Variants in LSAMP observed in about 807,000 individuals in gnomAD.
LSAMP encodes limbic system-associated membrane protein.
A neutral mutation model predicts 38.6 loss-of-function variants in LSAMP; 7 were observed. The observed-to-expected ratio is 0.18, with a 90% CI of 0.10 to 0.34. The LOEUF (loss-of-function observed/expected upper bound fraction) is 0.34, where lower values mean the gene tolerates loss of function less well. LSAMP is among the 10% of genes least tolerant of loss of function. The pLI, the probability that LSAMP is intolerant of heterozygous loss-of-function variation, is 1.00. For missense variants in LSAMP, 313 were observed against 420.0 expected (o/e 0.75, Z 2.23); for synonymous variants, 154 against 166.8 (o/e 0.92, Z 0.59).
At chr3:116,112,712 G>A (rs1708643447) in intron 1 of LSAMP, among the ~76,000 whole-genome samples, 1 of 152,148 alleles carries the variant, frequency 6.6e-6, no homozygotes, top group South Asian at 2.1e-4. Context: ...ACAATAACTG[G>A]ATAAGGAAGT....
intron 1 of LSAMP, among the ~76,000 whole-genome samples, chr3:116,385,763 A>G (rs2048618400): frequency 6.6e-6 from 1 of 152,158 alleles, no homozygotes; most frequent in South Asian, 2.1e-4. Flanking sequence ...ACAACAGGCA[A>G]TTTAAAAGAT....
chr3:115,822,698 A>C (rs1182874947), intron 6 of LSAMP, among the ~76,000 whole-genome samples: 1 of 152,166 alleles, frequency 6.6e-6, no homozygotes, highest in African/African-American at 2.4e-5. Flanking sequence ...CATTGCCCTC[A>C]TGACTAAGAG....
intron 4 of LSAMP, among the ~76,000 whole-genome samples, chr3:115,847,483 A>G (rs139428664): frequency 1.9e-3 from 290 of 152,262 alleles, no homozygotes; most frequent in African/African-American, 6.6e-3. Context: ...ACACCTTCCA[A>G]TTTGGTTGGT....
chr3:116,177,643 T>C (rs1710381310), intron 1 of LSAMP, among the ~76,000 whole-genome samples: 1 of 152,104 alleles, frequency 6.6e-6, no homozygotes, highest in Non-Finnish European at 1.5e-5. Context: ...GGATGAGAAG[T>C]ATAATCAACC....
intron 2 of LSAMP, among the ~76,000 whole-genome samples, chr3:116,024,822 A>G (rs1232564240): frequency 6.6e-6 from 1 of 150,880 alleles, no homozygotes; most frequent in African/African-American, 2.4e-5. Flanking sequence ...CATTATTACT[A>G]CCACTACTAC....
At chr3:115,869,352 C>T (rs1935960132) in intron 3 of LSAMP, among the ~76,000 whole-genome samples, 2 of 146,218 alleles carry the variant, frequency 1.4e-5, no homozygotes, top group South Asian at 2.2e-4. Flanking sequence ...AATGGCTCTC[C>T]CTTTGAAATC....
chr3:115,991,099 T>A (rs1939653722), intron 3 of LSAMP, among the ~76,000 whole-genome samples: 1 of 152,052 alleles, frequency 6.6e-6, no homozygotes, highest in South Asian at 2.1e-4. Context: ...ATAATCACTT[T>A]AAAAAAGTAT....
chr3:116,161,619 C>G (rs755456622), intron 1 of LSAMP, among the ~76,000 whole-genome samples: 4 of 152,114 alleles, frequency 2.6e-5, no homozygotes, highest in Admixed American at 6.6e-5. Flanking sequence ...CACTGACCTC[C>G]CTGTTCTAAG....
chr3:116,236,458 A>G (rs2046466710), intron 1 of LSAMP, among the ~76,000 whole-genome samples: 1 of 152,104 alleles, frequency 6.6e-6, no homozygotes, highest in Admixed American at 6.6e-5. Context: ...ATTATTCTCA[A>G]TGCTCCATAC....
chr3:115,844,608 C>G (rs549769399), intron 4 of LSAMP, among the ~76,000 whole-genome samples: 1 of 152,292 alleles, frequency 6.6e-6, no homozygotes, highest in South Asian at 2.1e-4. Flanking sequence ...AATCCAGGCT[C>G]TGTTCCTCAT....
At chr3:115,812,047 G>A (rs1056525004) in intron 6 of LSAMP, among the ~76,000 whole-genome samples, 16 of 152,026 alleles carry the variant, frequency 1.1e-4, no homozygotes, top group Non-Finnish European at 4.4e-5. Flanking sequence ...ATTAAACTTG[G>A]GTTTGATTAA....
At chr3:116,309,144 G>C (rs2047523416) in intron 1 of LSAMP, among the ~76,000 whole-genome samples, 1 of 152,012 alleles carries the variant, frequency 6.6e-6, no homozygotes, top group Non-Finnish European at 1.5e-5. Flanking sequence ...ACTATTCTTT[G>C]TTCTATTTAT....
At chr3:116,178,655 TA>T (rs955609355) in intron 1 of LSAMP, among the ~76,000 whole-genome samples, 1 of 152,102 alleles carries the variant, frequency 6.6e-6, no homozygotes, top group East Asian at 1.9e-4. Flanking sequence ...TGCACCTCTT[TA>T]AAAAAAGGCT....
intron 2 of LSAMP, among the ~76,000 whole-genome samples, chr3:116,031,621 G>A (rs375369746): frequency 2.5e-4 from 29 of 114,416 alleles, no homozygotes; most frequent in African/African-American, 4.3e-4. Context: ...TTCTTTGCAT[G>A]TAGAGACGGA....
rs903549894 is a variant in LSAMP, at chr3:115,997,798, A to C, written c.514+21717T>G. On this transcript the variant is annotated intron_variant, in intron 3 of 6. Transcript: ENST00000490035. ...CACATATATTTAAATATATACATGC[A>C]TACATTTAAATATACTAATATATGT... 2.8e-5 allele frequency among the ~76,000 whole-genome samples: 4 copies of C among 144,574 alleles called. No individual in the cohort carries two copies. The East Asian group carries it at 6.0e-4, about 22-fold the overall frequency. The allele number at this position is 144,574 out of a possible 152,430, so 94.8% of individuals were successfully genotyped here. A position where few individuals can be genotyped will look rare whatever the true frequency, so the allele number is the denominator to read the frequency against.
intron 1 of LSAMP, among the ~76,000 whole-genome samples, chr3:116,317,094 G>C (rs962654902): frequency 6.6e-6 from 1 of 152,064 alleles, no homozygotes; most frequent in Non-Finnish European, 1.5e-5. Context: ...ACAAGGGCAG[G>C]GACAAATAAA....
At chr3:115,998,612 G>A (rs1939897171) in intron 3 of LSAMP, among the ~76,000 whole-genome samples, 2 of 152,174 alleles carry the variant, frequency 1.3e-5, no homozygotes, top group South Asian at 4.1e-4. Context: ...GCCCCACCCA[G>A]AGATGCTGAA....
intron 1 of LSAMP, among the ~76,000 whole-genome samples, chr3:116,402,767 T>C (rs1559855704): frequency 6.6e-6 from 1 of 151,640 alleles, no homozygotes; most frequent in Non-Finnish European, 1.5e-5. Context: ...AAATACTAGA[T>C]GCAATAAAAC....
rs866090549 is a variant in LSAMP at position 116,086,247 on chromosome 3, C to A, written c.388+77G>T. The A allele has an allele frequency of 1.7e-5, 19 of 1,105,466 alleles. 1 individual carries two copies. In the Middle Eastern group the frequency reaches 1.4e-3, roughly 82 times the overall value. 68.5% of individuals were successfully genotyped at this position (1,105,466 alleles called of 1,614,324 possible). A position where few individuals can be genotyped will look rare whatever the true frequency, so the allele number is the denominator to read the frequency against. ...GGAATATTTCTTTTCAGGAAGGATTCTGCAAATATTTTGTACATTATTATT... is the reference window on the plus strand; with the variant it reads ...GGAATATTTCTTTTCAGGAAGGATTATGCAAATATTTTGTACATTATTATT... On this transcript the variant is annotated intron_variant, in intron 2 of 6. Coordinates refer to ENST00000490035, the MANE Select transcript of LSAMP (RefSeq NM_002338.5).
Sources: gnomAD v4.1 joint callset for allele counts (sites outside exome capture counted in the v4.1 genomes callset) on GRCh38, gnomAD v4.1.1 for gene constraint, MANE v1.5 for transcripts, NCBI Gene and HGNC (gene_info 2026-07-23, HGNC 2026-07-21) for gene names.